Variants in GRID2 observed in about 807,000 individuals in gnomAD.
The protein encoded by GRID2 is glutamate receptor ionotropic, delta-2.
In GRID2, 33 loss-of-function variants were observed where a neutral mutation model predicts 114.8. The observed-to-expected ratio is 0.29, with a 90% CI of 0.22 to 0.38. GRID2 has a LOEUF of 0.38. Ranked by LOEUF, GRID2 falls within the 10% of genes least tolerant of loss-of-function variation. The pLI is 1.00. For synonymous variants in GRID2, 505 were observed against 449.9 expected, an observed-to-expected ratio of 1.12 and a Z score of -1.55; for missense variants, 1,184 against 1,257.7, an observed-to-expected ratio of 0.94 and a Z score of 0.89.
At chr4:93,648,065 GCTGTCATGCCC>G (rs1722267541) in intron 14 of GRID2, among the ~76,000 whole-genome samples, 1 of 152,162 alleles carries the variant, frequency 6.6e-6, no homozygotes, top group African/African-American at 2.4e-5. Flanking sequence ...TCTGACTTCA[GCTGTCATGCCC>G]TTAACCAGTT....
At chr4:92,646,888 C>CTTTTTTTT (rs33921659) in intron 2 of GRID2, among the ~76,000 whole-genome samples, 1 of 56,146 alleles carries the variant, frequency 1.8e-5, no homozygotes, top group Non-Finnish European at 3.9e-5. Context: ...TCTTTGAATT[C>CTTTTTTTT]TTTTTTTTTT....
At chr4:92,653,304 T>C (rs942573975) in intron 2 of GRID2, among the ~76,000 whole-genome samples, 10 of 146,540 alleles carry the variant, frequency 6.8e-5, no homozygotes, top group Non-Finnish European at 1.5e-4. Context: ...TGGCCAAAAT[T>C]ACACACACAC....
intron 2 of GRID2, among the ~76,000 whole-genome samples, chr4:92,778,471 G>A (rs1175566614): frequency 6.6e-6 from 1 of 152,086 alleles, no homozygotes; most frequent in East Asian, 1.9e-4. Context: ...ACCCTCTCGT[G>A]TACATTCTGA....
intron 14 of GRID2, among the ~76,000 whole-genome samples, chr4:93,666,624 G>T (rs1462281339): frequency 1.3e-5 from 2 of 152,032 alleles, no homozygotes; most frequent in Admixed American, 6.6e-5. Flanking sequence ...TATAGCTAAA[G>T]GTAAGGCACT....
chr4:93,227,250 T>C lies in GRID2; in HGVS notation c.1125+2475T>C, dbSNP rs1236755087. Among the ~76,000 whole-genome samples the C allele has an allele frequency of 2.6e-5, 4 of 151,650 alleles. No homozygotes were observed. The East Asian group carries it at 7.7e-4, about 29-fold the overall frequency. On this transcript the variant is annotated intron_variant, in intron 7 of 15. Transcript: ENST00000282020. Reference sequence around the variant, plus strand: ...TCTCCTGAATATTATATATATATAATTTTTTTTGACAGTCTCGCACAGGCT... The same window carrying C: ...TCTCCTGAATATTATATATATATAACTTTTTTTGACAGTCTCGCACAGGCT...
At chr4:92,577,882 A>T (rs1727972899) in intron 1 of GRID2, among the ~76,000 whole-genome samples, 1 of 152,028 alleles carries the variant, frequency 6.6e-6, no homozygotes, top group African/African-American at 2.4e-5. Context: ...ATGGTTAGAG[A>T]TATACATTTT....
chr4:93,326,976 T>G (rs1213795850), intron 8 of GRID2, among the ~76,000 whole-genome samples: 1 of 152,188 alleles, frequency 6.6e-6, no homozygotes, highest in East Asian at 1.9e-4. Context: ...TAAGGACATT[T>G]TTTTCTTTTT....
rs181238580 is a variant in GRID2 at position 93,075,715 on chromosome 4, A to G, written c.245-9280A>G. The stretch of plus-strand genomic sequence containing the variant: ...AAAAGTACCACTTAAAATAGAATAT[A>G]AAAGTATAAAATACTTAAGAATAAA... On this transcript the variant is annotated intron_variant, in intron 2 of 15. Transcript: ENST00000282020. 1.5e-4 allele frequency among the ~76,000 whole-genome samples: 23 copies of G among 152,216 alleles called. No homozygotes were observed. The East Asian group carries it at 4.4e-3, about 29-fold the overall frequency.
intron 1 of GRID2, among the ~76,000 whole-genome samples, chr4:92,528,448 A>G (rs944921878): frequency 1.3e-5 from 2 of 151,962 alleles, no homozygotes; most frequent in East Asian, 1.9e-4. Flanking sequence ...AATAAGAACA[A>G]TAATGTTACA....
intron 8 of GRID2, among the ~76,000 whole-genome samples, chr4:93,316,074 G>A (rs369020236): frequency 4.6e-5 from 7 of 151,976 alleles, no homozygotes; most frequent in African/African-American, 1.4e-4. Context: ...TGATTCCAGG[G>A]CACATCCAAA....
intron 2 of GRID2, among the ~76,000 whole-genome samples, chr4:92,985,325 G>T (rs1347398930): frequency 6.6e-6 from 1 of 150,588 alleles, no homozygotes; most frequent in Non-Finnish European, 1.5e-5. Flanking sequence ...CCGGGTTCCC[G>T]CCATTCTTCT....
chr4:92,949,101 G>A (rs1472725682), intron 2 of GRID2, among the ~76,000 whole-genome samples: 1 of 151,268 alleles, frequency 6.6e-6, no homozygotes, highest in Admixed American at 6.6e-5. Context: ...AAGATCTGGA[G>A]GCATCCTTGT....
Position 93,418,308 on chromosome 4 carries a change from A to G in GRID2, c.1348-4463A>G, listed in dbSNP as rs142827691. Reference sequence around the variant, plus strand: ...CTTGTTTATTCTTCCTTCACCCTGGATATTAATTCTGACCTATTGCAATTC... The same window carrying G: ...CTTGTTTATTCTTCCTTCACCCTGGGTATTAATTCTGACCTATTGCAATTC... On this transcript the variant is annotated intron_variant, in intron 9 of 15. Transcript: ENST00000282020. 3.2e-3 allele frequency among the ~76,000 whole-genome samples: 481 copies of G among 151,756 alleles called. 4 individuals are homozygous for G. Among genetic ancestry groups the G allele is most frequent in the African/African-American group, 0.011 (460 of 41,428 alleles).
chr4:92,588,699 A>G (rs1257451010), intron 1 of GRID2, among the ~76,000 whole-genome samples: 7 of 150,092 alleles, frequency 4.7e-5, no homozygotes, highest in Non-Finnish European at 8.9e-5. Flanking sequence ...AAAAAAAAAA[A>G]AAAATTCTTC....
At chr4:93,790,014 G>A (rs191614543) in intron 1 of GRID2, among the ~76,000 whole-genome samples, 2 of 152,160 alleles carry the variant, frequency 1.3e-5, no homozygotes, top group Non-Finnish European at 2.9e-5. Flanking sequence ...CACTCCTTAG[G>A]AGAATCTCAT....
At chr4:92,798,087 G>T (rs771283317) in intron 2 of GRID2, among the ~76,000 whole-genome samples, 190 of 151,794 alleles carry the variant, frequency 1.3e-3, no homozygotes, top group Non-Finnish European at 2.2e-3. Flanking sequence ...AAAAGGGGGG[G>T]TTAAGTATCA....
At chr4:92,311,560 T>C (rs182449337) in intron 1 of GRID2, among the ~76,000 whole-genome samples, 21 of 152,250 alleles carry the variant, frequency 1.4e-4, no homozygotes, top group African/African-American at 4.6e-4. Flanking sequence ...AATAGCAATT[T>C]GCATATGTTT....
intron 2 of GRID2, among the ~76,000 whole-genome samples, chr4:92,779,497 A>G (rs773071992): frequency 6.6e-6 from 1 of 152,134 alleles, no homozygotes; most frequent in Non-Finnish European, 1.5e-5. Context: ...ATTCTCTCGC[A>G]CACCAAATAA....
At chr4:92,916,554 C>A (rs915430824) in intron 2 of GRID2, among the ~76,000 whole-genome samples, 1 of 151,974 alleles carries the variant, frequency 6.6e-6, no homozygotes, top group Admixed American at 6.6e-5. Context: ...TGTTCCCCTT[C>A]CTGTGTCCAT....
Sources: allele counts gnomAD v4.1 joint callset (sites outside exome capture counted in the v4.1 genomes callset), GRCh38; gene constraint gnomAD v4.1.1; transcripts MANE v1.5; gene names NCBI Gene and HGNC (gene_info 2026-07-23, HGNC 2026-07-21).